Variants in DPP6 observed in about 807,000 individuals in gnomAD.
DPP6 encodes dipeptidyl peptidase like 6.
In DPP6, 69 loss-of-function variants were observed where a neutral mutation model predicts 122.6. The observed-to-expected ratio is 0.56, with a 90% CI of 0.46 to 0.69. The LOEUF (loss-of-function observed/expected upper bound fraction) is 0.69, where lower values mean the gene tolerates loss of function less well. Ranked by LOEUF, DPP6 falls within the 30% of genes least tolerant of loss-of-function variation. The pLI is 0.00. For synonymous variants in DPP6, 418 were observed against 433.1 expected, an observed-to-expected ratio of 0.97 and a Z score of 0.43; for missense variants, 928 against 1,116.9, an observed-to-expected ratio of 0.83 and a Z score of 2.41.
At chr7:154,528,418 C>T (rs1161759029) in intron 3 of DPP6, among the ~76,000 whole-genome samples, 6 of 152,174 alleles carry the variant, frequency 3.9e-5, no homozygotes, top group African/African-American at 1.2e-4. Context: ...CCTACGCCTC[C>T]GTCCTTACTC....
At chr7:154,295,386 A>G (rs1805472246) in intron 1 of DPP6, among the ~76,000 whole-genome samples, 1 of 152,198 alleles carries the variant, frequency 6.6e-6, no homozygotes, top group Non-Finnish European at 1.5e-5. Context: ...ACCTTCGACA[A>G]CTTATCCATT....
At chr7:154,593,351 G>C (rs79956698) in intron 5 of DPP6, among the ~76,000 whole-genome samples, 7,766 of 152,276 alleles carry the variant, frequency 0.051, 676 homozygotes, top group African/African-American at 0.18. Context: ...GAGCAGGAAA[G>C]CTACCTTCCT....
At chr7:153,868,645 A>G in the DPP6 span, among the ~76,000 whole-genome samples, 3 of 151,988 alleles carry the variant, frequency 2.0e-5, no homozygotes, top group South Asian at 4.2e-4. Flanking sequence ...GTGTGTCTCT[A>G]TTTCCTTCAG....
chr7:154,219,916 C>T (rs1005992889), intron 1 of DPP6, among the ~76,000 whole-genome samples: 2 of 152,170 alleles, frequency 1.3e-5, no homozygotes, highest in African/African-American at 4.8e-5. Context: ...GCAAAGGCTG[C>T]CAAACCATTT....
chr7:154,415,014 G>A (rs550912117), intron 1 of DPP6, among the ~76,000 whole-genome samples: 1 of 152,142 alleles, frequency 6.6e-6, no homozygotes, highest in South Asian at 2.1e-4. Context: ...CATCTTGAAG[G>A]CTGGCCACTG....
chr7:154,526,656 T>C (rs764326194), intron 3 of DPP6, among the ~76,000 whole-genome samples: 1 of 152,208 alleles, frequency 6.6e-6, no homozygotes, highest in Non-Finnish European at 1.5e-5. Flanking sequence ...ACTAAAATAT[T>C]TGCATTTGAC....
intron 5 of DPP6, among the ~76,000 whole-genome samples, chr7:154,596,393 T>C (rs1833093229): frequency 1.3e-5 from 2 of 152,258 alleles, no homozygotes; most frequent in Admixed American, 1.3e-4. Context: ...CACATTCCGC[T>C]GACGCGGGAA....
At chr7:153,788,824 G>A in the DPP6 span, among the ~76,000 whole-genome samples, 1 of 152,100 alleles carries the variant, frequency 6.6e-6, no homozygotes, top group Non-Finnish European at 1.5e-5. Flanking sequence ...CATTAGCCAG[G>A]CATGGTGGTA....
intron 1 of DPP6, among the ~76,000 whole-genome samples, chr7:154,294,224 C>T (rs947371680): frequency 6.6e-6 from 1 of 152,130 alleles, no homozygotes; most frequent in African/African-American, 2.4e-5. Context: ...AAGCACTTCC[C>T]ATAAGCCTGG....
chr7:154,258,295 T>G (rs1257441722), intron 1 of DPP6, among the ~76,000 whole-genome samples: 1 of 152,192 alleles, frequency 6.6e-6, no homozygotes, highest in Non-Finnish European at 1.5e-5. Context: ...GTTAAATTGC[T>G]TTCATACATA....
At chr7:154,269,946 C>T (rs1022760540) in intron 1 of DPP6, among the ~76,000 whole-genome samples, 1 of 152,094 alleles carries the variant, frequency 6.6e-6, no homozygotes, top group Non-Finnish European at 1.5e-5. Context: ...TGGTGTCAAA[C>T]CCTAAATAAT....
chr7:154,237,552 C>G (rs1289101166), intron 1 of DPP6, among the ~76,000 whole-genome samples: 3 of 152,162 alleles, frequency 2.0e-5, no homozygotes, highest in Non-Finnish European at 2.9e-5. Context: ...CACCTGGGGT[C>G]TCATTCACTG....
chr7:153,773,281 G>GTGTGTGTGTGTGTGTC, the DPP6 span, among the ~76,000 whole-genome samples: 2 of 144,904 alleles, frequency 1.4e-5, no homozygotes, highest in South Asian at 2.2e-4. Flanking sequence ...GTGTGTGTGT[G>GTGTGTGTGTGTGTGTC]TGTGTGTGTG....
intron 5 of DPP6, among the ~76,000 whole-genome samples, chr7:154,625,594 T>A (rs1288806859): frequency 6.6e-6 from 1 of 151,590 alleles, no homozygotes; most frequent in Non-Finnish European, 1.5e-5. Context: ...GCACCATCTC[T>A]TTGTCTGTTT....
chr7:153,843,856 G>A, the DPP6 span, among the ~76,000 whole-genome samples: 21 of 152,270 alleles, frequency 1.4e-4, no homozygotes, highest in South Asian at 3.1e-3. Flanking sequence ...GAAACAGGAC[G>A]TGAAGCTAGA....
At chr7:153,988,540 T>G (rs1796961737) in intron 1 of DPP6, among the ~76,000 whole-genome samples, 1 of 152,150 alleles carries the variant, frequency 6.6e-6, no homozygotes, top group South Asian at 2.1e-4. Context: ...TCACCCACCC[T>G]TTTTTGAGGG....
intron 13 of DPP6, 73 bp from the exon 14 acceptor site, chr7:154,803,791 G>A: frequency 6.5e-7 from 1 of 1,547,166 alleles, no homozygotes; most frequent in Non-Finnish European, 8.8e-7. Flanking sequence ...GTCCAAAACA[G>A]TTGGAGGATG....
At chr7:154,567,609 TA>T (rs757755980) in intron 5 of DPP6, among the ~76,000 whole-genome samples, 9 of 152,250 alleles carry the variant, frequency 5.9e-5, no homozygotes, top group Non-Finnish European at 8.8e-5. Flanking sequence ...TTACAAGAGA[TA>T]AGCAACTTTA....
chr7:154,477,610 A>G (rs192472905), intron 3 of DPP6, among the ~76,000 whole-genome samples: 76 of 152,018 alleles, frequency 5.0e-4, no homozygotes, highest in African/African-American at 1.6e-3. Flanking sequence ...AGTTCATGGT[A>G]TAAGGAGTTT....
Sources: allele counts gnomAD v4.1 joint callset (sites outside exome capture counted in the v4.1 genomes callset), GRCh38; gene constraint gnomAD v4.1.1; transcripts MANE v1.5; gene names NCBI Gene and HGNC (gene_info 2026-07-23, HGNC 2026-07-21).